Variants in PRDX1 observed in about 807,000 individuals in gnomAD.
PRDX1 encodes peroxiredoxin 1.
PRDX1 carries 19 observed loss-of-function variants against 20.7 expected under a neutral mutation model. The observed-to-expected ratio is 0.92, with a 90% CI of 0.64 to 1.35. The LOEUF (loss-of-function observed/expected upper bound fraction) is 1.35. Among genes scored for constraint, PRDX1 ranks in the 40% most tolerant of loss-of-function variants. The probability of loss-of-function intolerance (pLI) is 0.00; values close to 1 mark genes in which losing one functional copy is unlikely to be tolerated. For missense variants in PRDX1, 226 were observed against 240.0 expected, an observed-to-expected ratio of 0.94 and a Z score of 0.38; for synonymous variants, 89 against 83.9, an observed-to-expected ratio of 1.06 and a Z score of -0.33.
intron 5 of PRDX1, chr1:45,512,069 C>CTTTTTTTTTTTTTTTTTTTTTTTTT (rs869087041): frequency 1.5e-5 from 1 of 66,904 alleles, no homozygotes; most frequent in Non-Finnish European, 2.6e-5. Flanking sequence ...TCTTATTTTT[C>CTTTTTTTTTTTTTTTTTTTTTTTTT]TTTTTTTTTT....
chr1:45,519,806 C>G lies in PRDX1; in HGVS notation c.-11-752G>C, dbSNP rs1046078358. Among the ~76,000 whole-genome samples, 10 of 152,276 alleles carry G rather than the reference C, an allele frequency of 6.6e-5. No individual in the cohort carries two copies. In the South Asian group the frequency reaches 1.4e-3, roughly 22 times the overall value. ...AGAGACGGGATTTCTCCATGTTGGT[C>G]AGGCTAGTCTCAAACTCCTCACCTC... On this transcript the variant is annotated intron_variant, in intron 1 of 5. Transcript: ENST00000319248.
At chr1:45,514,772 C>A in intron 4 of PRDX1, 101 bp downstream of exon 4, 7 of 1,572,234 alleles carry the variant, frequency 4.5e-6, no homozygotes, top group Non-Finnish European at 6.1e-6. Flanking sequence ...GAGGCCCCTG[C>A]ATAAAGGAAT....
chr1:45,513,612 G>C (rs550525090), intron 5 of PRDX1, among the ~76,000 whole-genome samples: 133 of 152,330 alleles, frequency 8.7e-4, no homozygotes, highest in Middle Eastern at 3.4e-3. Flanking sequence ...CTTCTGCCTT[G>C]AGATGCTGTT....
intron 1 of PRDX1, among the ~76,000 whole-genome samples, chr1:45,519,947 C>G (rs111452416): frequency 6.6e-6 from 1 of 152,176 alleles, no homozygotes; most frequent in Non-Finnish European, 1.5e-5. Flanking sequence ...TGTCTCACAC[C>G]TGTAATCCCA....
intron 5 of PRDX1, 32 bp from the exon 6 acceptor site, chr1:45,511,446 C>T (rs777833348): frequency 1.9e-6 from 3 of 1,575,842 alleles, no homozygotes; most frequent in Middle Eastern, 1.7e-4. Context: ...AATTAATAAC[C>T]TTCTCAATGG....
chr1:45,515,840 T>C lies in PRDX1; in HGVS notation c.107-33A>G, dbSNP rs2356559. On this transcript the variant is annotated intron_variant, in intron 2 of 5. Transcript: ENST00000319248. ...GAAAATCGGAGTCATGGTTAGCATT[T>C]GACACAGACTTCCTTGCTTTATATT... 0.69 allele frequency: 1,046,670 copies of C among 1,522,838 alleles called. 362,925 individuals carry two copies. Among genetic ancestry groups the C allele is most frequent in the East Asian group, 0.92 (37,568 of 40,930 alleles). The allele number at this position is 1,522,838 out of a possible 1,614,324, so 94.3% of individuals were successfully genotyped here.
At chr1:45,514,273 C>T (rs1016795380) in intron 5 of PRDX1, among the ~76,000 whole-genome samples, 7 of 152,152 alleles carry the variant, frequency 4.6e-5, no homozygotes, top group Non-Finnish European at 2.9e-5. Context: ...TCCCCCTCTC[C>T]GAGAAACACC....
chr1:45,518,045 G>C (rs1490405434), intron 2 of PRDX1, among the ~76,000 whole-genome samples: 1 of 151,984 alleles, frequency 6.6e-6, no homozygotes, highest in African/African-American at 2.4e-5. Context: ...ATAAAATAGA[G>C]GAGGGCCAGA....
chr1:45,520,055 A>C (rs1311487011), intron 1 of PRDX1, among the ~76,000 whole-genome samples: 1 of 151,922 alleles, frequency 6.6e-6, no homozygotes, highest in Non-Finnish European at 1.5e-5. Context: ...AAACACAAAA[A>C]TTAGTCGGGC....
At chr1:45,516,671 C>T (rs1314750507) in intron 2 of PRDX1, among the ~76,000 whole-genome samples, 2 of 152,052 alleles carry the variant, frequency 1.3e-5, no homozygotes, top group Non-Finnish European at 1.5e-5. Flanking sequence ...AGAACAATTC[C>T]AAATATTCAC....
chr1:45,513,908 G>C (rs1643806826), intron 5 of PRDX1, among the ~76,000 whole-genome samples: 1 of 152,178 alleles, frequency 6.6e-6, no homozygotes, highest in African/African-American at 2.4e-5. Flanking sequence ...AGACCTGACC[G>C]GGGTCCCCCA....
intron 2 of PRDX1, among the ~76,000 whole-genome samples, chr1:45,516,636 G>A (rs12067882): frequency 0.012 from 1,857 of 152,190 alleles, 29 homozygotes; most frequent in African/African-American, 0.038. Context: ...CAGCCTTCTC[G>A]CCACACCCAC....
intron 5 of PRDX1, 71 bp downstream of exon 5, chr1:45,514,436 A>C: frequency 6.4e-7 from 1 of 1,554,838 alleles, no homozygotes; most frequent in Non-Finnish European, 8.8e-7. Context: ...AGAAACACCC[A>C]CAGGTGTGAA....
chr1:45,514,231 T>A (rs1183799500), intron 5 of PRDX1, among the ~76,000 whole-genome samples: 1 of 151,868 alleles, frequency 6.6e-6, no homozygotes, highest in African/African-American at 2.4e-5. Flanking sequence ...CTGCTGACCT[T>A]CTCTCCACTA....
chr1:45,513,042 TG>T (rs1436807904), intron 5 of PRDX1: 2 of 152,208 alleles, frequency 1.3e-5, no homozygotes, highest in Admixed American at 1.3e-4. Context: ...AAAGCTAGTC[TG>T]GGCTGGGCGC....
Position 45,515,914 on chromosome 1 carries a change from C to G in PRDX1, c.107-107G>C, listed in dbSNP as rs900741545. On this transcript the variant is annotated intron_variant, in intron 2 of 5. Transcript: ENST00000319248. ...TGATGGCTGACACAATAACCACTAA[C>G]TGCCAAGATGCTCAATACAGATGTC... The G allele has an allele frequency of 1.3e-5, 14 of 1,115,448 alleles. No individual in the cohort carries two copies. The African/African-American group carries it at 2.3e-4, about 18-fold the overall frequency. The allele number at this position is 1,115,448 out of a possible 1,614,324, so 69.1% of individuals were successfully genotyped here.
intron 5 of PRDX1, chr1:45,511,930 GTAAGCA>G (rs1052926803): frequency 2.0e-5 from 3 of 152,194 alleles, no homozygotes; most frequent in Non-Finnish European, 4.4e-5. Context: ...CTACCCCTTG[GTAAGCA>G]AAAGGCAGAG....
chr1:45,517,519 C>T (rs1277731871), intron 2 of PRDX1, among the ~76,000 whole-genome samples: 3 of 152,142 alleles, frequency 2.0e-5, no homozygotes, highest in Non-Finnish European at 4.4e-5. Context: ...CAGTGGCTCA[C>T]GCCTGTAATC....
chr1:45,514,289 A>G (rs918944701), intron 5 of PRDX1, among the ~76,000 whole-genome samples: 1 of 152,122 alleles, frequency 6.6e-6, no homozygotes, highest in African/African-American at 2.4e-5. Flanking sequence ...ACACCCAAGA[A>G]TGATCAATAA....
Sources: gnomAD v4.1 joint callset for allele counts (sites outside exome capture counted in the v4.1 genomes callset) on GRCh38, gnomAD v4.1.1 for gene constraint, MANE v1.5 for transcripts, NCBI Gene and HGNC (gene_info 2026-07-23, HGNC 2026-07-21) for gene names.